Variants in TBX10 observed in about 807,000 individuals in gnomAD.
TBX10 encodes the protein T-box transcription factor TBX10.
TBX10 carries 26 observed loss-of-function variants against 32.4 expected under a neutral mutation model. That is an observed-to-expected ratio of 0.80 (90% CI 0.59 to 1.11). The LOEUF is 1.11. Ranked by LOEUF, TBX10 falls within the 50% of genes most tolerant of loss-of-function variation. The probability of loss-of-function intolerance (pLI) is 0.00; values close to 1 mark genes in which losing one functional copy is unlikely to be tolerated. For synonymous variants in TBX10, 195 were observed against 203.1 expected (o/e 0.96, Z 0.34); for missense variants, 490 against 494.5 (o/e 0.99, Z 0.09).
chr11:67,634,787 G>A, intron 3 of TBX10, 29 bp downstream of exon 3: 1 of 1,608,312 alleles, frequency 6.2e-7, no homozygotes, highest in Non-Finnish European at 8.5e-7. Flanking sequence ...CCTGAGACCT[G>A]AGCCTTTGCC....
Position 67,634,829 on chromosome 11 carries a change from C to G in TBX10, c.364G>C (p.Asp122His), listed in dbSNP as rs138224804. Residue 122 changes from aspartate (D) to histidine (H), a missense_variant, in exon 3 of 8, where the codon GAC becomes CAC. Physicochemically the swap from Asp to His is moderately conservative, Grantham distance 81. Around this residue, in one of 3 missense-constraint regions of TBX10, gnomAD observed 307 missense variants for 294.9 expected, o/e 1.04. Transcript: ENST00000335385. Reference protein sequence around the residue: ...ALLMDFIPLDDKRYRYAFHSS... With the variant: ...ALLMDFIPLDHKRYRYAFHSS... ...CGGTCCCCGCACCTGTATCTCTTGT[C>G]GTCCAGGGGGATGAAGTCCATGAGC... The G allele has an allele frequency of 4.3e-6, 7 of 1,613,396 alleles. No individual in the cohort carries two copies. The highest frequency in any genetic ancestry group is 5.9e-6 in the Non-Finnish European group (7 of 1,180,042).
intron 1 of TBX10, among the ~76,000 whole-genome samples, chr11:67,637,118 C>G (rs560191306): frequency 6.6e-6 from 1 of 152,112 alleles, no homozygotes. Flanking sequence ...ACTCATAGGC[C>G]GTACGTGGTG....
rs142569144 is a variant in TBX10, at chr11:67,634,235, A to G, written c.503T>C (p.Phe168Ser). 1.5e-5 allele frequency: 24 copies of G among 1,613,166 alleles called. No individual in the cohort carries two copies. The African/African-American group carries it at 2.9e-4, about 20-fold the overall frequency. ...GAQWMRQIVS[F>S]DKLKLTNNLL... is the part of the protein sequence containing the mutation. Reference sequence around the variant, plus strand: ...GTTGTTGGTCAGCTTGAGCTTGTCAAAGGACACAATCTGGCGCATCCACTG... The same window carrying G: ...GTTGTTGGTCAGCTTGAGCTTGTCAGAGGACACAATCTGGCGCATCCACTG... The change falls in exon 4 of 8, where the codon TTT (phenylalanine) becomes TCT (serine). Residue 168 changes from phenylalanine (F) to serine (S), a missense_variant. Physicochemically the swap from Phe to Ser is radical, Grantham distance 155. Around this residue, in one of 3 missense-constraint regions of TBX10, gnomAD observed 307 missense variants for 294.9 expected, o/e 1.04. Transcript: ENST00000335385.
upstream of TBX10, among the ~76,000 whole-genome samples, chr11:67,640,295 G>A (rs745731432): frequency 5.3e-5 from 8 of 152,360 alleles, no homozygotes; most frequent in Admixed American, 1.3e-4. Flanking sequence ...CACAGTCTCC[G>A]TGCCTCAGCC....
chr11:67,631,853 A>G lies in TBX10; in HGVS notation c.910T>C (p.Trp304Arg), dbSNP rs2134097732. The G allele has an allele frequency of 6.3e-7, 1 of 1,579,356 alleles. No homozygotes were observed. The highest frequency in any genetic ancestry group is 1.2e-5 in the South Asian group (1 of 86,166). The change falls in exon 8 of 8, where the codon TGG becomes CGG. Residue 304 changes from tryptophan to arginine, a missense_variant. Trp to Arg is a moderately radical substitution (Grantham distance 101, BLOSUM62 -3). Coordinates refer to ENST00000335385, the MANE Select transcript of TBX10 (RefSeq NM_005995.5). ...ASASTSKTPA[W>R]LHHQLLPPPE... The stretch of plus-strand genomic sequence containing the variant: ...GGGGGCAGCAGCTGATGATGGAGCC[A>G]AGCAGGGGTCTTGGAGGTGGAAGCT...
At chr11:67,632,529 C>T (rs1591123160) in intron 6 of TBX10, 74 bp downstream of exon 6, 10 of 1,586,772 alleles carry the variant, frequency 6.3e-6, no homozygotes, top group Non-Finnish European at 8.6e-6. Context: ...GACCCTGAAA[C>T]AAGGGTCAGG....
rs750176680 is a variant in TBX10 at position 67,635,134 on chromosome 11, G to C, written c.137C>G (p.Ala46Gly). 1.2e-6 allele frequency: 2 copies of C among 1,613,686 alleles called. No homozygotes were observed. Among genetic ancestry groups the C allele is most frequent in the African/African-American group, 2.7e-5 (2 of 74,948 alleles). ...CCCAGTGGGCTCGGCCACAGCTTGG[G>C]CCCCAGTAGAGCTGGTGCAAGGGCC... ...PSGPCTSSTG[A>G]QAVAEPTGQG... Residue 46 changes from alanine (A) to glycine (G), a missense_variant, in exon 2 of 8, where the codon GCC becomes GGC. Ala to Gly is a moderately conservative substitution (Grantham distance 60). Coordinates refer to ENST00000335385, the MANE Select transcript of TBX10 (RefSeq NM_005995.5).
upstream of TBX10, among the ~76,000 whole-genome samples, chr11:67,641,467 C>T (rs1021776326): frequency 6.6e-6 from 1 of 152,344 alleles, no homozygotes; most frequent in East Asian, 1.9e-4. Flanking sequence ...CTGGCCCGCC[C>T]GCCCTGCCTG....
intron 7 of TBX10, 112 bp downstream of exon 7, chr11:67,632,206 G>C: frequency 8.1e-7 from 1 of 1,240,042 alleles, no homozygotes; most frequent in Non-Finnish European, 1.2e-6. Context: ...CCACACAGGG[G>C]CCCTGTGGGT....
rs375630299 is a variant in TBX10, at chr11:67,632,620, C to G, written c.756G>C (p.Glu252Asp). The G allele has an allele frequency of 5.1e-5, 82 of 1,613,934 alleles. No homozygotes were observed. Among genetic ancestry groups the G allele is most frequent in the Non-Finnish European group, 6.9e-5 (81 of 1,180,024 alleles). The change falls in exon 6 of 8, where the codon GAG (glutamate) becomes GAC (aspartate). Residue 252 changes from glutamate to aspartate, a missense_variant. This residue lies in a region of TBX10 where 177 missense variants were observed against 176.6 expected (regional missense o/e 1.00). Coordinates refer to ENST00000335385, the MANE Select transcript of TBX10 (RefSeq NM_005995.5). ...GACAGTACCAGGAGTCCAGGTCACTCTCTCTAAAGCCTTTGGCAAAAGGGT... is the reference window on the plus strand; with the variant it reads ...GACAGTACCAGGAGTCCAGGTCACTGTCTCTAAAGCCTTTGGCAAAAGGGT... The part of the protein sequence containing the change: ...ASNPFAKGFR[E>D]SDLDSWPVAP...
chr11:67,635,349 C>G, intron 1 of TBX10, 86 bp from the exon 2 acceptor site: 1 of 1,576,442 alleles, frequency 6.3e-7, no homozygotes, highest in Non-Finnish European at 8.6e-7. Context: ...CCTCTTCCTC[C>G]AGGAAGCCCT....
chr11:67,634,149 AC>A, intron 4 of TBX10, 39 bp downstream of exon 4: 2 of 1,607,822 alleles, frequency 1.2e-6, no homozygotes, highest in South Asian at 1.1e-5. Flanking sequence ...ACCAGCCCTG[AC>A]CCCAGGCCCT....
At position 67,631,398 on chromosome 11, in the gene TBX10, T is replaced by C; in HGVS notation, c.*207A>G. On this transcript the variant is annotated 3_prime_UTR_variant, in exon 8 of 8. Coordinates refer to ENST00000335385, the MANE Select transcript of TBX10 (RefSeq NM_005995.5). ...CAAGAGGGCACAGTATTCAGGCTGC[T>C]GGGGTTGGGAGATAGAAGTCCTGGT... is the stretch of plus-strand genomic sequence containing the variant. The C allele has an allele frequency of 1.6e-6, 1 of 642,922 alleles. No homozygotes were observed. Among genetic ancestry groups the C allele is most frequent in the Non-Finnish European group, 2.7e-6 (1 of 376,222 alleles). 39.8% of individuals were successfully genotyped at this position (642,922 alleles called of 1,614,324 possible).
chr11:67,633,753 G>A (rs936879327), intron 4 of TBX10, among the ~76,000 whole-genome samples: 3 of 152,006 alleles, frequency 2.0e-5, no homozygotes, highest in South Asian at 2.1e-4. Flanking sequence ...CCCCCCTTCC[G>A]TACCTCTGCT....
chr11:67,634,657 C>T (rs555092595), intron 3 of TBX10, among the ~76,000 whole-genome samples, 159 bp downstream of exon 3: 7 of 152,324 alleles, frequency 4.6e-5, no homozygotes, highest in African/African-American at 1.4e-4. Context: ...CTGCCTCCTG[C>T]CCTCAGGCTG....
At chr11:67,637,475 G>A (rs1855346577) in intron 1 of TBX10, among the ~76,000 whole-genome samples, 1 of 152,160 alleles carries the variant, frequency 6.6e-6, no homozygotes, top group South Asian at 2.1e-4. Context: ...GCTGTGTCTG[G>A]TTCCCATTGG....
intron 1 of TBX10, 73 bp downstream of exon 1, chr11:67,639,393 T>TGCCCCCCCCCCCCCCCCCCCCCCCCCCC: frequency 1.4e-6 from 1 of 726,924 alleles, no homozygotes; most frequent in Non-Finnish European, 2.5e-6. Context: ...CTGTCTTGGT[T>TGCCCCCCCCCCCCCCCCCCCCCCCCCCC]CCCACCCTGC....
At position 67,631,462 on chromosome 11, in the gene TBX10, G is replaced by A. The variant is rs912601042; in HGVS notation, c.*143C>T. ...TGGTCCCAGCCTTGCTGTGACCCTG[G>A]GCAGGTAGCCTCTTTCTCTAGACTT... On this transcript the variant is annotated 3_prime_UTR_variant, in exon 8 of 8. Transcript: ENST00000335385. 2.8e-6 allele frequency: 3 copies of A among 1,085,864 alleles called. No individual in the cohort carries two copies. Among genetic ancestry groups the A allele is most frequent in the Non-Finnish European group, 4.0e-6 (3 of 754,918 alleles). 67.3% of individuals were successfully genotyped at this position (1,085,864 alleles called of 1,614,324 possible).
chr11:67,634,820 A>G lies in TBX10; in HGVS notation c.373T>C (p.Tyr125His), dbSNP rs1200382257. Reference sequence around the variant, plus strand: ...GCCCCAGGCCGGTCCCCGCACCTGTATCTCTTGTCGTCCAGGGGGATGAAG... The same window carrying G: ...GCCCCAGGCCGGTCCCCGCACCTGTGTCTCTTGTCGTCCAGGGGGATGAAG... ...MDFIPLDDKR[Y>H]RYAFHSSAWL... Residue 125 changes from tyrosine (Y) to histidine (H), a missense_variant, in exon 3 of 8, where the codon TAC (tyrosine) becomes CAC (histidine). By Grantham distance (83) the Tyr-to-His change is moderately conservative. Coordinates refer to ENST00000335385, the MANE Select transcript of TBX10 (RefSeq NM_005995.5). The G allele has an allele frequency of 2.5e-6, 4 of 1,613,360 alleles. No individual in the cohort carries two copies. The Admixed American group carries it at 6.7e-5, about 27-fold the overall frequency.
Sources: allele counts gnomAD v4.1 joint callset (sites outside exome capture counted in the v4.1 genomes callset), GRCh38; gene constraint gnomAD v4.1.1; regional missense constraint gnomAD v4.1.1; transcripts MANE v1.5; gene names NCBI Gene and HGNC (gene_info 2026-07-23, HGNC 2026-07-21).